Variants in C3orf33 observed in about 807,000 individuals in gnomAD.
C3orf33 encodes mitochondrial inner membrane subdomain organizer 1, also known as AP-1 activity suppressor.
In C3orf33, 23 loss-of-function variants were observed where a neutral mutation model predicts 28.7. The observed-to-expected ratio is 0.80, with a 90% confidence interval of 0.58 to 1.13. The LOEUF (loss-of-function observed/expected upper bound fraction) is 1.13, where lower values mean the gene tolerates loss of function less well. Among genes scored for constraint, C3orf33 ranks in the 50% most tolerant of loss-of-function variants. The pLI, the probability that C3orf33 is intolerant of heterozygous loss-of-function variation, is 0.00. For missense variants in C3orf33, 327 were observed against 353.4 expected, an observed-to-expected ratio of 0.93 and a Z score of 0.60; for synonymous variants, 119 against 120.5, an observed-to-expected ratio of 0.99 and a Z score of 0.08.
intron 3 of C3orf33, among the ~76,000 whole-genome samples, chr3:155,771,393 C>T (rs557873963): frequency 1.3e-5 from 2 of 152,180 alleles, no homozygotes; most frequent in South Asian, 2.1e-4. Context: ...GCAATGCTCT[C>T]GCCTCAGCCT....
chr3:155,780,248 G>C (rs1013698478), intron 2 of C3orf33, among the ~76,000 whole-genome samples: 1 of 152,162 alleles, frequency 6.6e-6, no homozygotes, highest in African/African-American at 2.4e-5. Context: ...CTGTGTCTAA[G>C]CTTCAGACGG....
chr3:155,768,404 C>A (rs900310206), intron 3 of C3orf33, among the ~76,000 whole-genome samples: 1 of 152,186 alleles, frequency 6.6e-6, no homozygotes, highest in Non-Finnish European at 1.5e-5. Flanking sequence ...TCTACATCAA[C>A]ACTGTTATGC....
intron 2 of C3orf33, among the ~76,000 whole-genome samples, chr3:155,802,084 T>C (rs1158552892): frequency 6.6e-6 from 1 of 152,184 alleles, no homozygotes; most frequent in Non-Finnish European, 1.5e-5. Flanking sequence ...GAAAAAATAT[T>C]ATGTCTTATG....
chr3:155,772,772 CTGTGTGTGTGTGTGTGTGTG>C (rs60966459), intron 3 of C3orf33, among the ~76,000 whole-genome samples: 1 of 142,138 alleles, frequency 7.0e-6, no homozygotes, highest in East Asian at 2.1e-4. Context: ...TTTTTAGGCT[CTGTGTGTGTGTGTGTGTGTG>C]TGTGTGTGTG....
At chr3:155,802,833 ATATATT>A (rs760178301) in intron 1 of C3orf33, among the ~76,000 whole-genome samples, 3 of 152,080 alleles carry the variant, frequency 2.0e-5, no homozygotes, top group Non-Finnish European at 2.9e-5. Flanking sequence ...ACATTTATAT[ATATATT>A]TAAACATATA....
rs796923838 is a variant in C3orf33 at position 155,790,227 on chromosome 3, GAAA to G, written c.174+12302_174+12304del. Among the ~76,000 whole-genome samples the G allele has an allele frequency of 9.0e-4, 59 of 65,778 alleles. No individual in the cohort carries two copies. The South Asian group carries it at 0.029, about 32-fold the overall frequency. 43.2% of individuals were successfully genotyped at this position (65,778 alleles called of 152,430 possible). A position where few individuals can be genotyped will look rare whatever the true frequency, so the allele number is the denominator to read the frequency against. On this transcript the variant is annotated intron_variant, in intron 2 of 4. Coordinates refer to ENST00000340171, the MANE Select transcript of C3orf33 (RefSeq NM_001308229.2). ...AAACGGAATATTCACATGCAAAAAA[GAAA>G]AAAAAAAAAAAGGTCAGGCCCTTAT... is the stretch of plus-strand genomic sequence containing the variant.
intron 4 of C3orf33, among the ~76,000 whole-genome samples, chr3:155,764,837 C>T (rs1750349812): frequency 6.6e-6 from 1 of 152,090 alleles, no homozygotes. Context: ...GCCTGGGTGA[C>T]AGAGCAAGAC....
At chr3:155,779,261 G>A (rs955353883) in intron 2 of C3orf33, among the ~76,000 whole-genome samples, 1 of 152,154 alleles carries the variant, frequency 6.6e-6, no homozygotes, top group African/African-American at 2.4e-5. Flanking sequence ...TCCTAAAGCA[G>A]GACCTAAGGA....
At chr3:155,775,494 A>AC (rs1307124971) in intron 3 of C3orf33, among the ~76,000 whole-genome samples, 1 of 151,992 alleles carries the variant, frequency 6.6e-6, no homozygotes, top group African/African-American at 2.4e-5. Context: ...GTCTCAAAAA[A>AC]AAAAAAAAGG....
intron 1 of C3orf33, chr3:155,805,823 C>G (rs1008567519): frequency 4.0e-6 from 2 of 499,622 alleles, no homozygotes; most frequent in African/African-American, 3.8e-5. Context: ...TGGGCCCTCC[C>G]CAAATGCTCT....
At chr3:155,766,889 G>T (rs1750423422) in intron 4 of C3orf33, among the ~76,000 whole-genome samples, 1 of 152,174 alleles carries the variant, frequency 6.6e-6, no homozygotes, top group Non-Finnish European at 1.5e-5. Context: ...GGCAGAGATT[G>T]CAGTGAGCCA....
At chr3:155,800,610 CAAAAAAAAAAAAA>C (rs58092818) in intron 2 of C3orf33, among the ~76,000 whole-genome samples, 69 of 15,636 alleles carry the variant, frequency 4.4e-3, no homozygotes, top group South Asian at 0.017. Flanking sequence ...ACCTTATCTC[CAAAAAAAAAAAAA>C]AAAAAAAAAA....
chr3:155,776,436 G>A (rs758957655), intron 2 of C3orf33, among the ~76,000 whole-genome samples: 4 of 152,004 alleles, frequency 2.6e-5, no homozygotes, highest in Non-Finnish European at 4.4e-5. Flanking sequence ...TTTTTTCCAC[G>A]TTAACAATAC....
intron 4 of C3orf33, among the ~76,000 whole-genome samples, chr3:155,765,909 G>C (rs1750388911): frequency 4.6e-5 from 7 of 151,986 alleles, no homozygotes; most frequent in Admixed American, 4.6e-4. Flanking sequence ...ATTAGTTTTA[G>C]ATAATTCTTA....
chr3:155,806,184 C>T lies in C3orf33; in HGVS notation c.69G>A (p.Val23=), dbSNP rs1274091990. The T allele has an allele frequency of 1.3e-6, 2 of 1,502,560 alleles. No individual in the cohort carries two copies. Among genetic ancestry groups the T allele is most frequent in the African/African-American group, 1.4e-5 (1 of 70,730 alleles). The allele number at this position is 1,502,560 out of a possible 1,614,324, so 93.1% of individuals were successfully genotyped here. The change falls in exon 1 of 5, where the codon GTG becomes GTA. Residue 23 remains valine (V), a synonymous_variant. Coordinates refer to ENST00000340171, the MANE Select transcript of C3orf33 (RefSeq NM_001308229.2). The part of the protein sequence containing the change: ...ADKDGMEPNV[V]ARISQWADDH... ...CGTCTGCCCACTGCGAGATCCGAGC[C>T]ACGACGTTGGGCTCCATTCCGTCCT...
At position 155,771,458 on chromosome 3, in the gene C3orf33, T is replaced by G. The variant is rs150204677; in HGVS notation, c.323-3789A>C. On this transcript the variant is annotated intron_variant, in intron 3 of 4. Transcript: ENST00000340171. ...CACCACACTCAGCTAATCTTTGTAT[T>G]TTTTGTAGAGACAGGGTTTCACCAT... Among the ~76,000 whole-genome samples, 965 of 152,216 alleles carry G rather than the reference T, an allele frequency of 6.3e-3. 12 individuals carry two copies. The highest frequency in any genetic ancestry group is 0.022 in the African/African-American group (926 of 41,528).
chr3:155,778,172 G>C (rs981911764), intron 2 of C3orf33, among the ~76,000 whole-genome samples: 1 of 145,934 alleles, frequency 6.9e-6, no homozygotes, highest in African/African-American at 2.5e-5. Flanking sequence ...AACAAGTAGG[G>C]GTAATATTCT....
rs114877878 is a variant in C3orf33, at chr3:155,806,226, G to A, written c.27C>T (p.Gly9=). MAGQPAAT[G]SPSADKDGME... is the part of the protein sequence containing the mutation. Reference sequence around the variant, plus strand: ...TTCCGTCCTTGTCGGCAGACGGCGAGCCGGTGGCCGCGGGCTGCCCCGCCA... The same window carrying A: ...TTCCGTCCTTGTCGGCAGACGGCGAACCGGTGGCCGCGGGCTGCCCCGCCA... Residue 9 remains glycine, a synonymous_variant, in exon 1 of 5, where the codon GGC becomes GGT. Coordinates refer to ENST00000340171, the MANE Select transcript of C3orf33 (RefSeq NM_001308229.2). 41,525 of 1,479,150 alleles carry A rather than the reference G, an allele frequency of 0.028. 3,658 individuals are homozygous for A. The African/African-American group carries it at 0.31, about 11-fold the overall frequency. The allele number at this position is 1,479,150 out of a possible 1,614,324, so 91.6% of individuals were successfully genotyped here.
intron 2 of C3orf33, among the ~76,000 whole-genome samples, chr3:155,790,619 A>G (rs1751285656): frequency 6.6e-6 from 1 of 152,206 alleles, no homozygotes; most frequent in South Asian, 2.1e-4. Context: ...ATCCCTTTGC[A>G]GCAGCTGCGT....
Sources: gnomAD v4.1 joint callset for allele counts (sites outside exome capture counted in the v4.1 genomes callset) on GRCh38, gnomAD v4.1.1 for gene constraint, MANE v1.5 for transcripts, NCBI Gene and HGNC (gene_info 2026-07-23, HGNC 2026-07-21) for gene names.